Variants in EXT1 observed in about 807,000 individuals in gnomAD.
EXT1 encodes the protein exostosin glycosyltransferase 1.
A neutral mutation model predicts 82.5 loss-of-function variants in EXT1; 20 were observed. The observed-to-expected ratio is 0.24, with a 90% CI of 0.17 to 0.35. The LOEUF (loss-of-function observed/expected upper bound fraction) is 0.35, where lower values mean the gene tolerates loss of function less well. Ranked by LOEUF, EXT1 falls within the 10% of genes least tolerant of loss-of-function variation. The pLI is 1.00. For missense variants in EXT1, 757 were observed against 936.5 expected, an observed-to-expected ratio of 0.81 and a Z score of 2.50; for synonymous variants, 348 against 350.8, an observed-to-expected ratio of 0.99 and a Z score of 0.09.
At chr8:117,907,004 C>G (rs1214508140) in intron 1 of EXT1, among the ~76,000 whole-genome samples, 2 of 151,438 alleles carry the variant, frequency 1.3e-5, no homozygotes, top group African/African-American at 2.4e-5. Flanking sequence ...TCTCCCTCAC[C>G]CCACGAAATT....
chr8:118,016,086 T>A (rs1011050541), intron 1 of EXT1, among the ~76,000 whole-genome samples: 1 of 152,174 alleles, frequency 6.6e-6, no homozygotes, highest in Non-Finnish European at 1.5e-5. Context: ...AGAGAATAGA[T>A]TTTTGTTGTT....
At chr8:117,917,548 T>C (rs1199514396) in intron 1 of EXT1, among the ~76,000 whole-genome samples, 3 of 152,210 alleles carry the variant, frequency 2.0e-5, no homozygotes, top group Non-Finnish European at 2.9e-5. Context: ...TATGCTTTCG[T>C]AAAATTCTCA....
chr8:117,961,308 G>A (rs1814695069), intron 1 of EXT1, among the ~76,000 whole-genome samples: 1 of 152,192 alleles, frequency 6.6e-6, no homozygotes, highest in Admixed American at 6.5e-5. Context: ...ACTGCACCCA[G>A]ATTCCAATCA....
Position 117,799,504 on chromosome 8 carries a change from A to G in EXT1, c.*208T>C, listed in dbSNP as rs1823131112. 1.0e-5 allele frequency: 6 copies of G among 598,084 alleles called. No homozygotes were observed. Among genetic ancestry groups the G allele is most frequent in the Non-Finnish European group, 1.8e-5 (6 of 336,094 alleles). The allele number at this position is 598,084 out of a possible 1,614,324, so 37.0% of individuals were successfully genotyped here. On this transcript the variant is annotated 3_prime_UTR_variant, in exon 11 of 11. Coordinates refer to ENST00000378204, the MANE Select transcript of EXT1 (RefSeq NM_000127.3). ...AACCTAGTCTTGGGACACAGAAGCCAGTGAGGTGAGTTTGGAGCAGTCTGG... is the reference window on the plus strand; with the variant it reads ...AACCTAGTCTTGGGACACAGAAGCCGGTGAGGTGAGTTTGGAGCAGTCTGG...
intron 7 of EXT1, among the ~76,000 whole-genome samples, chr8:117,814,234 G>GGTGTGTGTGTGTGTGTGT (rs57727618): frequency 4.0e-4 from 58 of 146,812 alleles, no homozygotes; most frequent in African/African-American, 1.4e-3. Flanking sequence ...CACACACAGT[G>GGTGTGTGTGTGTGTGTGT]GTGTGTGTGT....
chr8:118,073,655 A>AGAGCAGAGCAGAGC (rs1817145402), intron 1 of EXT1, among the ~76,000 whole-genome samples: 1 of 141,310 alleles, frequency 7.1e-6, no homozygotes, highest in Non-Finnish European at 1.5e-5. Flanking sequence ...AAGAGAAGAG[A>AGAGCAGAGCAGAGC]AGAGAAGAGA....
At chr8:118,063,253 T>C (rs1816914956) in intron 1 of EXT1, among the ~76,000 whole-genome samples, 1 of 152,248 alleles carries the variant, frequency 6.6e-6, no homozygotes, top group Non-Finnish European at 1.5e-5. Flanking sequence ...GCATATCTGC[T>C]TAGTAACTAT....
Position 117,997,280 on chromosome 8 carries a change from A to ATG in EXT1, c.962+112804_962+112805insCA, listed in dbSNP as rs1356188093. The stretch of plus-strand genomic sequence containing the variant: ...ATATATATACACACTTTATATATAT[A>ATG]TACTTTATATATAATATACTTTATA... On this transcript the variant is annotated intron_variant, in intron 1 of 10. Transcript: ENST00000378204. Among the ~76,000 whole-genome samples, 22 of 143,534 alleles carry ATG rather than the reference A, an allele frequency of 1.5e-4. No individual in the cohort carries two copies. In the East Asian group the frequency reaches 3.3e-3, roughly 22 times the overall value. 94.2% of individuals were successfully genotyped at this position (143,534 alleles called of 152,430 possible).
intron 1 of EXT1, among the ~76,000 whole-genome samples, chr8:118,035,547 C>T (rs1816403898): frequency 6.6e-6 from 1 of 151,538 alleles, no homozygotes; most frequent in African/African-American, 2.4e-5. Flanking sequence ...CAGACTTTTC[C>T]CCGGAAGTCA....
At chr8:117,834,478 A>C (rs1463872588) in intron 3 of EXT1, among the ~76,000 whole-genome samples, 1 of 152,036 alleles carries the variant, frequency 6.6e-6, no homozygotes, top group Non-Finnish European at 1.5e-5. Flanking sequence ...GGTGGTGTGC[A>C]CCTGTATTCC....
At chr8:118,106,526 G>A (rs1410632088) in intron 1 of EXT1, among the ~76,000 whole-genome samples, 1 of 152,194 alleles carries the variant, frequency 6.6e-6, no homozygotes, top group Non-Finnish European at 1.5e-5. Context: ...AGCAAACACA[G>A]AAAAAGGGAA....
intron 1 of EXT1, among the ~76,000 whole-genome samples, chr8:118,046,141 G>A (rs1386757880): frequency 6.6e-6 from 1 of 151,354 alleles, no homozygotes; most frequent in Non-Finnish European, 1.5e-5. Flanking sequence ...AGGGTCTTGG[G>A]GTATCAATGT....
At chr8:118,103,376 T>A (rs1339249954) in intron 1 of EXT1, among the ~76,000 whole-genome samples, 2 of 152,144 alleles carry the variant, frequency 1.3e-5, no homozygotes, top group Non-Finnish European at 2.9e-5. Flanking sequence ...GATCTAGAAC[T>A]CCTGGGCTCA....
chr8:118,032,167 T>C (rs1352071380), intron 1 of EXT1, among the ~76,000 whole-genome samples: 1 of 146,756 alleles, frequency 6.8e-6, no homozygotes, highest in Non-Finnish European at 1.5e-5. Context: ...ACCTAATAAA[T>C]GCAATACTTG....
chr8:117,968,197 G>A (rs550290540), intron 1 of EXT1, among the ~76,000 whole-genome samples: 4 of 152,090 alleles, frequency 2.6e-5, no homozygotes, highest in Admixed American at 6.5e-5. Flanking sequence ...CCTCCATCTC[G>A]GGGGCCCAAG....
At chr8:117,873,404 G>C in intron 1 of EXT1, among the ~76,000 whole-genome samples, 1 of 150,524 alleles carries the variant, frequency 6.6e-6, no homozygotes, top group East Asian at 1.9e-4. Context: ...TAAGAAAATG[G>C]AGAAAATTAG....
chr8:118,110,707 A>G lies in EXT1; in HGVS notation c.340T>C (p.Phe114Leu), dbSNP rs1377414352. ...FDFTLCKKNGFKVYVYPQQKG... is the reference protein window; with the variant it reads ...FDFTLCKKNGLKVYVYPQQKG... The stretch of plus-strand genomic sequence containing the variant: ...TGCTGTGGGTATACGTAGACTTTGA[A>G]GCCGTTTTTCTTGCAAAGGGTGAAA... The change falls in exon 1 of 11, where the codon TTC becomes CTC. Residue 114 changes from phenylalanine (F) to leucine (L), a missense_variant. Phe to Leu is a conservative substitution (Grantham distance 22). Coordinates refer to ENST00000378204, the MANE Select transcript of EXT1 (RefSeq NM_000127.3). 1 of 1,614,156 alleles carries G rather than the reference A, an allele frequency of 6.2e-7. No homozygotes were observed. Among genetic ancestry groups the G allele is most frequent in the African/African-American group, 1.3e-5 (1 of 75,028 alleles).
intron 1 of EXT1, among the ~76,000 whole-genome samples, chr8:117,938,190 G>A (rs926544802): frequency 4.0e-5 from 6 of 151,732 alleles, no homozygotes; most frequent in Non-Finnish European, 7.4e-5. Context: ...GACCAGGCAC[G>A]GTGGCTCATG....
intron 1 of EXT1, among the ~76,000 whole-genome samples, chr8:118,031,022 A>C (rs1156453718): frequency 1.3e-5 from 2 of 152,160 alleles, no homozygotes; most frequent in Non-Finnish European, 2.9e-5. Context: ...TGAAGGCATG[A>C]GTATCAATGA....
Sources: allele counts gnomAD v4.1 joint callset (sites outside exome capture counted in the v4.1 genomes callset), GRCh38; gene constraint gnomAD v4.1.1; transcripts MANE v1.5; gene names NCBI Gene and HGNC (gene_info 2026-07-23, HGNC 2026-07-21).